SAMSN1: variants seen among roughly 807,000 people sequenced by gnomAD.
SAMSN1 encodes SAM domain-containing protein SAMSN-1.
In SAMSN1, 31 loss-of-function variants were observed where a neutral mutation model predicts 42.0. The observed-to-expected ratio is 0.74, with a 90% CI of 0.55 to 1.00. The LOEUF (loss-of-function observed/expected upper bound fraction) is 1.00, where lower values mean the gene tolerates loss of function less well. SAMSN1 is among the 50% of genes least tolerant of loss of function. The pLI, the probability that SAMSN1 is intolerant of heterozygous loss-of-function variation, is 0.00. For missense variants in SAMSN1, 464 were observed against 439.4 expected, an observed-to-expected ratio of 1.06 and a Z score of -0.50; for synonymous variants, 178 against 151.9, an observed-to-expected ratio of 1.17 and a Z score of -1.26.
intron 2 of SAMSN1, among the ~76,000 whole-genome samples, chr21:14,637,325 C>T (rs1214476568): frequency 6.6e-6 from 1 of 152,078 alleles, no homozygotes; most frequent in East Asian, 1.9e-4. Context: ...AACAAGCATA[C>T]AAAAATCTCA....
At chr21:14,561,612 G>A (rs1257808750) in intron 2 of SAMSN1, among the ~76,000 whole-genome samples, 3 of 152,078 alleles carry the variant, frequency 2.0e-5, no homozygotes, top group Non-Finnish European at 4.4e-5. Flanking sequence ...TGAACTATAT[G>A]GCCAAAAAAG....
chr21:14,658,480 C>A (rs1484058561), intron 1 of SAMSN1, among the ~76,000 whole-genome samples: 1 of 151,822 alleles, frequency 6.6e-6, no homozygotes, highest in Non-Finnish European at 1.5e-5. Flanking sequence ...ATACTGTTCC[C>A]AGAACATTAT....
chr21:14,602,892 C>G (rs1306402108), intron 5 of SAMSN1, among the ~76,000 whole-genome samples: 1 of 152,170 alleles, frequency 6.6e-6, no homozygotes, highest in Non-Finnish European at 1.5e-5. Flanking sequence ...AAGTCCTATC[C>G]TCCATGCACA....
rs1207165152 is a variant in SAMSN1, at chr21:14,582,522, TTATA to T, written c.-92-38_-92-35del. 2.7e-5 allele frequency: 21 copies of T among 765,470 alleles called. No homozygotes were observed. In the African/African-American group the frequency reaches 3.5e-4, roughly 13 times the overall value. The allele number at this position is 765,470 out of a possible 1,614,324, so 47.4% of individuals were successfully genotyped here. Reference sequence around the variant, plus strand: ...CAAAGAAATAGGTTAAAAACTATGATTATAATTCTTCACATATAGGAATTATTCT... The same window carrying T: ...CAAAGAAATAGGTTAAAAACTATGATATTCTTCACATATAGGAATTATTCT... On this transcript the variant is annotated intron_variant, in intron 1 of 8. Transcript: ENST00000285670.
At chr21:14,498,150 C>T (rs1986987178) in intron 7 of SAMSN1, among the ~76,000 whole-genome samples, 1 of 152,166 alleles carries the variant, frequency 6.6e-6, no homozygotes, top group Admixed American at 6.5e-5. Context: ...CTCCCTCAGT[C>T]TTTGGGAATG....
intron 2 of SAMSN1, among the ~76,000 whole-genome samples, chr21:14,560,352 G>A (rs763628597): frequency 3.3e-5 from 5 of 152,126 alleles, no homozygotes; most frequent in Non-Finnish European, 5.9e-5. Context: ...ATCTGACATA[G>A]CTGACTCCAT....
At chr21:14,605,062 T>A (rs1229279886) in intron 5 of SAMSN1, among the ~76,000 whole-genome samples, 4 of 152,222 alleles carry the variant, frequency 2.6e-5, no homozygotes, top group Non-Finnish European at 4.4e-5. Flanking sequence ...CCATCCAGCA[T>A]AAAAATTGAG....
intron 1 of SAMSN1, among the ~76,000 whole-genome samples, chr21:14,528,548 A>G (rs1387479687): frequency 6.6e-6 from 1 of 152,148 alleles, no homozygotes; most frequent in Non-Finnish European, 1.5e-5. Context: ...TACCAGCCCC[A>G]TTGGAAAATG....
intron 1 of SAMSN1, among the ~76,000 whole-genome samples, chr21:14,545,723 A>G (rs1444119383): frequency 6.6e-6 from 1 of 152,174 alleles, no homozygotes; most frequent in Admixed American, 6.5e-5. Flanking sequence ...ACGAGCTATC[A>G]TGATTTAACA....
chr21:14,580,045 A>G (rs1028966839), intron 2 of SAMSN1, among the ~76,000 whole-genome samples: 2 of 152,150 alleles, frequency 1.3e-5, no homozygotes, highest in African/African-American at 4.8e-5. Context: ...ATAATGTAGA[A>G]GTTCAAAGGA....
At chr21:14,649,461 A>T (rs1426976895) in intron 1 of SAMSN1, among the ~76,000 whole-genome samples, 2 of 152,170 alleles carry the variant, frequency 1.3e-5, no homozygotes, top group Non-Finnish European at 2.9e-5. Flanking sequence ...TATGAAAAAA[A>T]TAAATTAATT....
At chr21:14,658,264 G>A (rs557375446) in intron 1 of SAMSN1, among the ~76,000 whole-genome samples, 3 of 151,904 alleles carry the variant, frequency 2.0e-5, no homozygotes, top group African/African-American at 2.4e-5. Flanking sequence ...TTAATCTATT[G>A]TACCTTGCAT....
chr21:14,579,664 TGGA>T (rs1568817371), intron 2 of SAMSN1, among the ~76,000 whole-genome samples: 8 of 109,856 alleles, frequency 7.3e-5, no homozygotes, highest in Admixed American at 3.0e-4. Context: ...TTTTTTTTTT[TGGA>T]GGCAGGGTCT....
At chr21:14,510,521 C>A (rs932550387) in intron 4 of SAMSN1, 60 bp from the exon 5 acceptor site, 17 of 1,570,746 alleles carry the variant, frequency 1.1e-5, no homozygotes, top group Admixed American at 3.3e-5. Context: ...GAATCATCAT[C>A]TGGACACAAC....
chr21:14,490,366 C>CA, intron 7 of SAMSN1, among the ~76,000 whole-genome samples: 1 of 152,270 alleles, frequency 6.6e-6, no homozygotes, highest in Non-Finnish European at 1.5e-5. Flanking sequence ...ATCCTGGGGC[C>CA]ATCTCCAAAG....
intron 1 of SAMSN1, among the ~76,000 whole-genome samples, chr21:14,529,586 T>C (rs765264729): frequency 1.3e-5 from 2 of 152,222 alleles, no homozygotes; most frequent in Non-Finnish European, 2.9e-5. Flanking sequence ...GGGCTGTCGG[T>C]ATGAATAAAT....
intron 2 of SAMSN1, among the ~76,000 whole-genome samples, chr21:14,641,233 G>GTGTAAAGT: frequency 6.6e-6 from 1 of 152,198 alleles, no homozygotes; most frequent in African/African-American, 2.4e-5. Context: ...AGGTGTAAAG[G>GTGTAAAGT]TAAGGGAAGA....
chr21:14,519,919 A>G (rs73173227), intron 2 of SAMSN1, among the ~76,000 whole-genome samples: 2,456 of 152,246 alleles, frequency 0.016, 46 homozygotes, highest in Middle Eastern at 0.058. Context: ...ATGAGATAAT[A>G]TGGCAAACTT....
At chr21:14,614,671 C>G (rs1568831250) in intron 3 of SAMSN1, among the ~76,000 whole-genome samples, 1 of 152,078 alleles carries the variant, frequency 6.6e-6, no homozygotes, top group Non-Finnish European at 1.5e-5. Context: ...TTTTCTTAAT[C>G]TTTTGTTTTT....
Sources: allele counts gnomAD v4.1 joint callset (sites outside exome capture counted in the v4.1 genomes callset), GRCh38; gene constraint gnomAD v4.1.1; transcripts MANE v1.5; gene names NCBI Gene and HGNC (gene_info 2026-07-23, HGNC 2026-07-21).